EDA: variants seen among roughly 807,000 people sequenced by gnomAD.
EDA encodes the protein ectodysplasin-A.
EDA carries 2 observed loss-of-function variants against 23.6 expected under a neutral mutation model. The observed-to-expected ratio is 0.08, with a 90% CI of 0.03 to 0.27. The LOEUF (loss-of-function observed/expected upper bound fraction) is 0.27. Among genes scored for constraint, EDA ranks in the 10% least tolerant of loss-of-function variants. EDA has a pLI of 1.00. For synonymous variants in EDA, 131 were observed against 132.0 expected (o/e 0.99, Z 0.05); for missense variants, 229 against 324.2 (o/e 0.71, Z 2.26).
At chrX:69,783,478 C>T (rs980176740) in intron 1 of EDA, among the ~76,000 whole-genome samples, 1 of 101,978 alleles carries the variant, frequency 9.8e-6, no homozygotes, top group Non-Finnish European at 2.0e-5. Flanking sequence ...TGATGTTCCC[C>T]TTCCTGTGTC....
chrX:69,659,362 G>T (rs1933415693), intron 1 of EDA, among the ~76,000 whole-genome samples: 1 of 111,695 alleles, frequency 9.0e-6, no homozygotes, highest in African/African-American at 3.3e-5. Flanking sequence ...TCACCACAGT[G>T]GTATTCCTGG....
chrX:70,018,270 A>G (rs944842144), intron 2 of EDA, among the ~76,000 whole-genome samples: 2 of 112,283 alleles, frequency 1.8e-5, no homozygotes, highest in African/African-American at 6.5e-5. Flanking sequence ...AAATGGTCAT[A>G]ATACCCAAAG....
At chrX:69,939,267 C>T (rs1295922689) in intron 1 of EDA, among the ~76,000 whole-genome samples, 1 of 111,650 alleles carries the variant, frequency 9.0e-6, no homozygotes, top group East Asian at 2.8e-4. Flanking sequence ...TCTTCAATTT[C>T]TTACGTCAAT....
chrX:69,719,710 C>T (rs1301317807), intron 1 of EDA, among the ~76,000 whole-genome samples: 1 of 89,832 alleles, frequency 1.1e-5, no homozygotes, highest in African/African-American at 3.6e-5. Flanking sequence ...AGGAGTATTC[C>T]GTTATACACA....
intron 1 of EDA, among the ~76,000 whole-genome samples, chrX:69,798,819 A>T (rs5936752): frequency 2.7e-5 from 3 of 110,391 alleles, no homozygotes; most frequent in Non-Finnish European, 5.7e-5. Context: ...AAAAATACAA[A>T]GGATCAATAA....
rs1460032106 is a variant in EDA, at chrX:69,854,669, G to A, written c.397-102358G>A. Among the ~76,000 whole-genome samples the A allele has an allele frequency of 1.8e-4, 20 of 112,238 alleles. No homozygotes were observed. The Admixed American group carries it at 1.8e-3, about 10-fold the overall frequency. ...CTTTTTATGGCTGCAAGTATTTCACGGTGTATAGATACCACATTTTCTTTA... is the reference window on the plus strand; with the variant it reads ...CTTTTTATGGCTGCAAGTATTTCACAGTGTATAGATACCACATTTTCTTTA... On this transcript the variant is annotated intron_variant, in intron 1 of 7. Transcript: ENST00000374552.
intron 1 of EDA, among the ~76,000 whole-genome samples, chrX:69,726,072 C>T (rs2012790500): frequency 8.9e-6 from 1 of 111,811 alleles, no homozygotes; most frequent in Non-Finnish European, 1.9e-5. Flanking sequence ...TCAGCTATAT[C>T]CTGACAGTCA....
At chrX:69,762,457 C>T (rs1224857213) in intron 1 of EDA, among the ~76,000 whole-genome samples, 3 of 111,559 alleles carry the variant, frequency 2.7e-5, no homozygotes, top group Admixed American at 9.6e-5. Flanking sequence ...ACTATCCACG[C>T]GGCATTGTTC....
intron 1 of EDA, among the ~76,000 whole-genome samples, chrX:69,780,947 C>T (rs1329910175): frequency 8.9e-6 from 1 of 111,881 alleles, no homozygotes; most frequent in Non-Finnish European, 1.9e-5. Flanking sequence ...TACTTTCCAT[C>T]TCTATAGATT....
chrX:69,743,955 T>G (rs1290413118), intron 1 of EDA, among the ~76,000 whole-genome samples: 1 of 111,968 alleles, frequency 8.9e-6, no homozygotes, highest in Non-Finnish European at 1.9e-5. Flanking sequence ...TCCCAGAGTC[T>G]TCTTTTGGTA....
At chrX:69,626,209 A>G (rs186248193) in intron 1 of EDA, among the ~76,000 whole-genome samples, 2 of 111,916 alleles carry the variant, frequency 1.8e-5, no homozygotes, top group African/African-American at 6.5e-5. Flanking sequence ...TGCTAGTGGA[A>G]ATGTAAAATG....
chrX:69,639,088 T>C (rs911886180), intron 1 of EDA, among the ~76,000 whole-genome samples: 1 of 111,583 alleles, frequency 9.0e-6, no homozygotes, highest in Non-Finnish European at 1.9e-5. Context: ...TTGTAGCATG[T>C]ATCAGAATTT....
intron 1 of EDA, among the ~76,000 whole-genome samples, chrX:69,639,462 T>G (rs1355623612): frequency 8.9e-6 from 1 of 112,202 alleles, no homozygotes; most frequent in African/African-American, 3.2e-5. Flanking sequence ...CCCATCCTAT[T>G]GTATGTAAAG....
intron 1 of EDA, among the ~76,000 whole-genome samples, chrX:69,793,570 G>GTTTTTTTT (rs67241807): frequency 0.018 from 1,052 of 58,111 alleles, 4 homozygotes; most frequent in East Asian, 0.043. Flanking sequence ...GTTTGTTTTT[G>GTTTTTTTT]TTTTTTTTTT....
At chrX:69,871,538 C>T (rs780110936) in intron 1 of EDA, among the ~76,000 whole-genome samples, 2 of 111,692 alleles carry the variant, frequency 1.8e-5, no homozygotes, top group East Asian at 5.6e-4. Context: ...CTCCTTTTCA[C>T]ATTTTTCTGC....
chrX:69,676,972 TC>T (rs1161950066), intron 1 of EDA, among the ~76,000 whole-genome samples: 1 of 59,340 alleles, frequency 1.7e-5, no homozygotes, highest in East Asian at 7.2e-4. Flanking sequence ...ATGCTATCCC[TC>T]CCCCCTCCCC....
chrX:69,978,085 C>T (rs2019342451), intron 2 of EDA, among the ~76,000 whole-genome samples: 1 of 110,005 alleles, frequency 9.1e-6, no homozygotes, highest in Non-Finnish European at 1.9e-5. Flanking sequence ...TGGCCTTTGT[C>T]AGTATCATCA....
chrX:69,912,086 A>G (rs2018274890), intron 1 of EDA, among the ~76,000 whole-genome samples: 1 of 112,308 alleles, frequency 8.9e-6, no homozygotes, highest in Non-Finnish European at 1.9e-5. Context: ...ATTAGATCCT[A>G]TCTCAAGAAA....
At chrX:69,797,783 A>T (rs745809462) in intron 1 of EDA, among the ~76,000 whole-genome samples, 29 of 112,214 alleles carry the variant, frequency 2.6e-4, no homozygotes, top group Non-Finnish European at 4.9e-4. Flanking sequence ...ACCAGAAAAA[A>T]TAACAATATG....
Sources: allele counts gnomAD v4.1 joint callset (sites outside exome capture counted in the v4.1 genomes callset), GRCh38; gene constraint gnomAD v4.1.1; transcripts MANE v1.5; gene names NCBI Gene and HGNC (gene_info 2026-07-23, HGNC 2026-07-21).